GNL3: variants seen among roughly 807,000 people sequenced by gnomAD.
GNL3 encodes the protein G protein nucleolar 3.
Under a neutral mutation model 70.6 loss-of-function variants are expected in GNL3, and 77 were observed. The ratio of observed to expected loss-of-function variants is 1.09; its 90% CI spans 0.91 to 1.32. The LOEUF is 1.32. Among genes scored for constraint, GNL3 ranks in the 40% most tolerant of loss-of-function variants. The pLI is 0.00. For missense variants in GNL3, 634 were observed against 644.0 expected (o/e 0.98, Z 0.17); for synonymous variants, 252 against 216.1 (o/e 1.17, Z -1.46).
rs4532127 is a variant in GNL3 at position 52,693,720 on chromosome 3, A to G, written c.1413A>G (p.Glu471=). Residue 471 remains glutamate, a synonymous_variant, in exon 13 of 15, where the codon GAA becomes GAG. Transcript: ENST00000418458. ...TAATAGAAGAAAAGGACATACATGA[A>G]GAATTGCCAAAACGGAAAGAAAGGA... The part of the protein sequence containing the change: ...NGIIEEKDIH[E]ELPKRKERKQ... 60,856 of 1,613,890 alleles carry G rather than the reference A, an allele frequency of 0.038. 5,355 individuals are homozygous for G. Among genetic ancestry groups the G allele is most frequent in the African/African-American group, 0.35 (26,559 of 74,914 alleles).
chr3:52,686,627 C>T, intron 1 of GNL3, 142 bp from the exon 2 acceptor site: 1 of 647,150 alleles, frequency 1.5e-6, no homozygotes, highest in Non-Finnish European at 2.7e-6. Context: ...GAAAGTAGCA[C>T]GTATGTTTGC....
At position 52,687,614 on chromosome 3, in the gene GNL3, A is replaced by C; in HGVS notation, c.323A>C (p.Lys108Thr). The part of the protein sequence containing the change: ...IKPSNVEPME[K>T]EFGLCKTENK... ...CCATCAAATGTGGAACCTATGGAAA[A>C]GGTATGATTAGGTCTCTTTATGAAT... The change falls in exon 4 of 15, where the codon AAG becomes ACG. Residue 108 changes from lysine (K) to threonine (T), a missense_variant and splice_region_variant. Lys to Thr is a moderately conservative substitution (Grantham distance 78). Coordinates refer to ENST00000418458, the MANE Select transcript of GNL3 (RefSeq NM_014366.5). The C allele has an allele frequency of 6.5e-7, 1 of 1,527,352 alleles. No homozygotes were observed. The highest frequency in any genetic ancestry group is 9.1e-7 in the Non-Finnish European group (1 of 1,101,260). The allele number at this position is 1,527,352 out of a possible 1,614,324, so 94.6% of individuals were successfully genotyped here. A position where few individuals can be genotyped will look rare whatever the true frequency, so the allele number is the denominator to read the frequency against.
chr3:52,691,684 G>A (rs2097327440), intron 9 of GNL3, 55 bp downstream of exon 9: 1 of 943,456 alleles, frequency 1.1e-6, no homozygotes, highest in African/African-American at 1.7e-5. Context: ...TTTTATTTTG[G>A]TTATCTCAAG....
At chr3:52,693,129 T>G in intron 10 of GNL3, 58 bp from the exon 11 acceptor site, 2 of 1,599,896 alleles carry the variant, frequency 1.3e-6, no homozygotes, top group Non-Finnish European at 8.5e-7. Context: ...TTGGAAGTGT[T>G]TTAAAGTACT....
In GNL3 at chr3:52,687,277, A is replaced by G; in HGVS notation, c.104A>G (p.Glu35Gly). Residue 35 changes from glutamate to glycine, a missense_variant, in exon 3 of 15, where the codon GAG (glutamate) becomes GGG (glycine). By Grantham distance (98) the Glu-to-Gly change is moderately conservative. Transcript: ENST00000418458. The part of the protein sequence containing the change: ...VREHHRKLRK[E>G]AKKRGHKKPR... ...GAACATCATCGAAAATTAAGAAAGG[A>G]GGCTAAAAAGCGGGGTCACAAGAAG... 1.2e-6 allele frequency: 2 copies of G among 1,613,060 alleles called. No individual in the cohort carries two copies. Among genetic ancestry groups the G allele is most frequent in the Non-Finnish European group, 1.7e-6 (2 of 1,179,052 alleles).
intron 1 of GNL3, 151 bp downstream of exon 1, chr3:52,686,256 G>A: frequency 5.1e-6 from 4 of 786,612 alleles, no homozygotes; most frequent in Non-Finnish European, 6.3e-6. Flanking sequence ...TGGTAGAACC[G>A]AGAGTTGGAA....
In GNL3 at chr3:52,693,173, GT is replaced by G. The variant is rs750503083; in HGVS notation, c.1045-4del. 2.4e-4 allele frequency: 327 copies of G among 1,364,696 alleles called. No homozygotes were observed. The highest frequency in any genetic ancestry group is 7.1e-4 in the Admixed American group (34 of 47,748). The allele number at this position is 1,364,696 out of a possible 1,614,324, so 84.5% of individuals were successfully genotyped here. A position where few individuals can be genotyped will look rare whatever the true frequency, so the allele number is the denominator to read the frequency against. Reference sequence around the variant, plus strand: ...AGATGAAGGACAGCTCCTTTGTTTGGTTTTTTTTTTAAGGTAGTACTGAAAT... The same window carrying G: ...AGATGAAGGACAGCTCCTTTGTTTGGTTTTTTTTTAAGGTAGTACTGAAAT... On this transcript the variant is annotated splice_polypyrimidine_tract_variant and intron_variant, in intron 10 of 14. Coordinates refer to ENST00000418458, the MANE Select transcript of GNL3 (RefSeq NM_014366.5).
chr3:52,691,701 G>GTT, intron 9 of GNL3, 72 bp downstream of exon 9: 2 of 672,224 alleles, frequency 3.0e-6, no homozygotes, highest in Admixed American at 2.9e-5. Context: ...CAAGGAAGGT[G>GTT]ATTTTTTTTT....
intron 5 of GNL3, among the ~76,000 whole-genome samples, chr3:52,688,426 T>TA (rs759913482): frequency 1.8e-4 from 27 of 152,214 alleles, no homozygotes; most frequent in Non-Finnish European, 3.5e-4. Flanking sequence ...CAACAAATCA[T>TA]TTCGTGACTC....
Position 52,693,698 on chromosome 3 carries a change from T to G in GNL3, c.1391T>G (p.Ile464Arg), listed in dbSNP as rs560592011. The change falls in exon 13 of 15, where the codon ATA becomes AGA. Residue 464 changes from isoleucine to arginine, a missense_variant. By Grantham distance (97) the Ile-to-Arg change is moderately conservative. Coordinates refer to ENST00000418458, the MANE Select transcript of GNL3 (RefSeq NM_014366.5). ...TCTTCCGGTCTGACAAATGGAATAA[T>G]AGAAGAAAAGGACATACATGAAGAA... ...FQSSGLTNGI[I>R]EEKDIHEELP... The G allele has an allele frequency of 1.5e-5, 25 of 1,613,878 alleles. No homozygotes were observed. In the African/African-American group the frequency reaches 2.3e-4, roughly 15 times the overall value.
At chr3:52,693,360 G>T in intron 11 of GNL3, 31 bp downstream of exon 11, 1 of 1,613,536 alleles carries the variant, frequency 6.2e-7, no homozygotes, top group South Asian at 1.1e-5. Context: ...GCATTTTGGT[G>T]ACCACTAGAA....
intron 9 of GNL3, chr3:52,692,656 TTTGG>T (rs1283229609): frequency 4.3e-5 from 30 of 701,342 alleles, no homozygotes; most frequent in Admixed American, 1.1e-4. Context: ...TAGCATGTGT[TTTGG>T]TTGATGTAAA....
Position 52,692,871 on chromosome 3 carries a change from G to C in GNL3, c.870-1G>C. The C allele has an allele frequency of 6.2e-7, 1 of 1,610,252 alleles. No individual in the cohort carries two copies. Among genetic ancestry groups the C allele is most frequent in the Non-Finnish European group, 8.5e-7 (1 of 1,177,648 alleles). On this transcript the variant is annotated splice_acceptor_variant, in intron 9 of 14. Transcript: ENST00000418458. LOFTEE classifies it high-confidence loss of function. ...CATCAATTCCATCGCTCTTCTTTCA[G>C]GAGCATGCAAGTTGTCCCCTTGGAC...
intron 9 of GNL3, 68 bp from the exon 10 acceptor site, chr3:52,692,804 C>A: frequency 1.6e-6 from 2 of 1,231,890 alleles, no homozygotes; most frequent in Non-Finnish European, 2.4e-6. Context: ...CAACCCTGAG[C>A]TTCATGTTCT....
In GNL3 at chr3:52,686,065, T is replaced by C. The variant is rs535617804; in HGVS notation, c.-28T>C. The C allele has an allele frequency of 9.7e-6, 10 of 1,032,018 alleles. No individual in the cohort carries two copies. The highest frequency in any genetic ancestry group is 2.0e-4 in the Middle Eastern group (1 of 5,000). The allele number at this position is 1,032,018 out of a possible 1,614,324, so 63.9% of individuals were successfully genotyped here. ...CGTGGCGCCAGCGGAGGCAGGTTGA[T>C]GTGTTTGTGCTTCCTTCTACAGCCA... On this transcript the variant is annotated 5_prime_UTR_variant, in exon 1 of 15. The change abolishes an upstream ATG in the 5' untranslated region. Coordinates refer to ENST00000418458, the MANE Select transcript of GNL3 (RefSeq NM_014366.5).
rs1561257971 is a variant in GNL3 at position 52,692,963 on chromosome 3, G to T, written c.961G>T (p.Ala321Ser). The T allele has an allele frequency of 1.2e-6, 2 of 1,613,998 alleles. No homozygotes were observed. The highest frequency in any genetic ancestry group is 2.2e-5 in the East Asian group (1 of 44,874). ...VSPLNSSSAL[A>S]LRSPASIEVV... ...TCCACTTAATTCCTCCTCTGCGCTT[G>T]CTCTGCGAAGTCCAGCAAGTATTGA... The change falls in exon 10 of 15, where the codon GCT becomes TCT. Residue 321 changes from alanine (A) to serine (S), a missense_variant. Transcript: ENST00000418458.
Position 52,693,322 on chromosome 3 carries a change from T to C in GNL3, c.1180T>C (p.Trp394Arg). 4 of 1,614,002 alleles carry C rather than the reference T, an allele frequency of 2.5e-6. No individual in the cohort carries two copies. The highest frequency in any genetic ancestry group is 3.4e-6 in the Non-Finnish European group (4 of 1,179,984). The change falls in exon 11 of 15, where the codon TGG becomes CGG. Residue 394 changes from tryptophan to arginine, a missense_variant. By Grantham distance (101) the Trp-to-Arg change is moderately radical. Coordinates refer to ENST00000418458, the MANE Select transcript of GNL3 (RefSeq NM_014366.5). ...EGAAKLLWSEWTGASLAYYCH... is the reference protein window; with the variant it reads ...EGAAKLLWSERTGASLAYYCH... ...TGCTGCCAAACTGCTGTGGTCTGAG[T>C]GGACAGGGTAAGCTTTCTTTTCTGT... is the stretch of plus-strand genomic sequence containing the variant.
chr3:52,687,252 G>A lies in GNL3; in HGVS notation c.79G>A (p.Glu27Lys), dbSNP rs1299631635. The change falls in exon 3 of 15, where the codon GAA becomes AAA. Residue 27 changes from glutamate (E) to lysine (K), a missense_variant. Glu to Lys is a moderately conservative substitution (Grantham distance 56). Coordinates refer to ENST00000418458, the MANE Select transcript of GNL3 (RefSeq NM_014366.5). ...AATCTCTTTATTTTAATAGGTTCGA[G>A]AACATCATCGAAAATTAAGAAAGGA... is the stretch of plus-strand genomic sequence containing the variant. ...KRYKIQKKVREHHRKLRKEAK... is the reference protein window; with the variant it reads ...KRYKIQKKVRKHHRKLRKEAK... 9.9e-6 allele frequency: 16 copies of A among 1,611,512 alleles called. No individual in the cohort carries two copies. The East Asian group carries it at 3.3e-4, about 34-fold the overall frequency.
At chr3:52,691,398 T>G (rs1005852243) in intron 8 of GNL3, 144 bp from the exon 9 acceptor site, 1 of 654,906 alleles carries the variant, frequency 1.5e-6, no homozygotes, top group Non-Finnish European at 2.7e-6. Context: ...GAAACTAAAA[T>G]TGGTCTTAGT....
Sources: allele counts gnomAD v4.1 joint callset (sites outside exome capture counted in the v4.1 genomes callset), GRCh38; gene constraint gnomAD v4.1.1; transcripts MANE v1.5; gene names NCBI Gene and HGNC (gene_info 2026-07-23, HGNC 2026-07-21).